Variants in PSD3 observed in about 807,000 individuals in gnomAD.
PSD3 encodes pleckstrin and Sec7 domain containing 3.
A neutral mutation model predicts 105.5 loss-of-function variants in PSD3; 49 were observed. The observed-to-expected ratio is 0.46, with a 90% CI of 0.37 to 0.59. The LOEUF is 0.59. Ranked by LOEUF, PSD3 falls within the 20% of genes least tolerant of loss-of-function variation. PSD3 has a pLI of 0.00. For synonymous variants in PSD3, 557 were observed against 457.8 expected (o/e 1.22, Z -2.77); for missense variants, 1,561 against 1,263.8 (o/e 1.24, Z -3.57).
chr8:18,592,063 T>C (rs1174223328), intron 12 of PSD3, among the ~76,000 whole-genome samples: 2 of 151,990 alleles, frequency 1.3e-5, no homozygotes, highest in Non-Finnish European at 2.9e-5. Context: ...TGGAACAAAA[T>C]GAATTTCCAG....
intron 15 of PSD3, among the ~76,000 whole-genome samples, chr8:18,539,501 G>A (rs925671278): frequency 2.2e-4 from 33 of 151,174 alleles, no homozygotes; most frequent in Admixed American, 1.3e-4. Flanking sequence ...GAAAGCTGGT[G>A]TGTAAGAAAA....
At chr8:18,612,130 T>TA (rs538752054) in intron 11 of PSD3, among the ~76,000 whole-genome samples, 245 of 151,172 alleles carry the variant, frequency 1.6e-3, no homozygotes, top group Middle Eastern at 0.014. Flanking sequence ...CAGCCTTACA[T>TA]AAAAAAAAGT....
chr8:18,599,269 G>A (rs1804259242), intron 12 of PSD3, among the ~76,000 whole-genome samples: 1 of 152,084 alleles, frequency 6.6e-6, no homozygotes, highest in Non-Finnish European at 1.5e-5. Flanking sequence ...CATATATGGG[G>A]GGAAGCTGGA....
chr8:18,997,495 C>G (rs1420931873), intron 1 of PSD3, among the ~76,000 whole-genome samples: 1 of 151,974 alleles, frequency 6.6e-6, no homozygotes, highest in African/African-American at 2.4e-5. Flanking sequence ...CCGCTTCAGT[C>G]TATTCTCATG....
chr8:18,744,579 C>A (rs760588560), intron 9 of PSD3, among the ~76,000 whole-genome samples: 7 of 152,092 alleles, frequency 4.6e-5, no homozygotes, highest in Non-Finnish European at 1.0e-4. Flanking sequence ...GTTTAACTAC[C>A]CAGCATCTTT....
chr8:18,754,266 C>T (rs1805842396), intron 9 of PSD3, among the ~76,000 whole-genome samples: 1 of 151,902 alleles, frequency 6.6e-6, no homozygotes, highest in Non-Finnish European at 1.5e-5. Flanking sequence ...TGCCTGTAAT[C>T]CCAACTACTC....
At chr8:18,877,874 T>C (rs970267575) in intron 2 of PSD3, among the ~76,000 whole-genome samples, 1 of 152,196 alleles carries the variant, frequency 6.6e-6, no homozygotes, top group African/African-American at 2.4e-5. Flanking sequence ...TAACACTGTC[T>C]TCACTATTGT....
At chr8:18,736,389 G>A (rs1194412368) in intron 9 of PSD3, among the ~76,000 whole-genome samples, 1 of 152,102 alleles carries the variant, frequency 6.6e-6, no homozygotes, top group Non-Finnish European at 1.5e-5. Flanking sequence ...AATAATGCCT[G>A]GCACACCATG....
At chr8:18,752,261 C>T (rs572585265) in intron 9 of PSD3, among the ~76,000 whole-genome samples, 26 of 150,782 alleles carry the variant, frequency 1.7e-4, no homozygotes, top group Non-Finnish European at 3.1e-4. Flanking sequence ...ATCACTGACA[C>T]TGTGTTTTAC....
At chr8:18,741,829 A>G (rs936682771) in intron 9 of PSD3, among the ~76,000 whole-genome samples, 2 of 150,008 alleles carry the variant, frequency 1.3e-5, no homozygotes, top group African/African-American at 4.9e-5. Flanking sequence ...AGGCTATGCC[A>G]TATGGTTACC....
In PSD3 at chr8:18,894,554, G is replaced by A. The variant is rs1035020740; in HGVS notation, c.131-21821C>T. Among the ~76,000 whole-genome samples, 22 of 152,272 alleles carry A rather than the reference G, an allele frequency of 1.4e-4. 1 individual carries two copies. In the South Asian group the frequency reaches 2.1e-3, roughly 14 times the overall value. ...CAGAAGCAACTATGTCAATCAGCCA[G>A]AACAGACATCTGAGGCAGGAGTCTA... is the stretch of plus-strand genomic sequence containing the variant. On this transcript the variant is annotated intron_variant, in intron 2 of 15. Transcript: ENST00000327040.
chr8:18,601,236 A>C (rs568827898), intron 11 of PSD3, among the ~76,000 whole-genome samples: 1 of 152,216 alleles, frequency 6.6e-6, no homozygotes, highest in East Asian at 1.9e-4. Flanking sequence ...AATTGTTCTA[A>C]AGCAAAAAGC....
At chr8:18,719,922 GAATACCAAC>G (rs1161361866) in intron 9 of PSD3, among the ~76,000 whole-genome samples, 3 of 152,110 alleles carry the variant, frequency 2.0e-5, no homozygotes, top group Admixed American at 2.0e-4. Flanking sequence ...AAGGATTAAA[GAATACCAAC>G]CAGGCCTCTT....
At chr8:18,657,657 G>T (rs200198955) in intron 9 of PSD3, among the ~76,000 whole-genome samples, 11,701 of 152,228 alleles carry the variant, frequency 0.077, 549 homozygotes, top group East Asian at 0.17. Context: ...GAAGTGCAGA[G>T]AGAGTTGAAA....
intron 4 of PSD3, among the ~76,000 whole-genome samples, chr8:18,833,773 G>A (rs1813872418): frequency 6.6e-6 from 1 of 151,752 alleles, no homozygotes; most frequent in Admixed American, 6.6e-5. Flanking sequence ...ACAATAAATT[G>A]AGAAAAAGAA....
chr8:18,589,651 G>C (rs750852857), intron 12 of PSD3, among the ~76,000 whole-genome samples: 8 of 152,310 alleles, frequency 5.3e-5, no homozygotes, highest in Middle Eastern at 6.8e-3. Flanking sequence ...AAAGATATGG[G>C]TTTCCAGTGG....
chr8:18,645,864 G>A (rs1050482799), intron 10 of PSD3, among the ~76,000 whole-genome samples: 3 of 152,064 alleles, frequency 2.0e-5, no homozygotes, highest in African/African-American at 4.8e-5. Flanking sequence ...CAAATATCTC[G>A]TGCAAATAAT....
chr8:19,082,544 T>C (rs1207815376), intron 1 of PSD3, among the ~76,000 whole-genome samples: 3 of 152,138 alleles, frequency 2.0e-5, no homozygotes, highest in African/African-American at 7.2e-5. Context: ...ACCTTTAACT[T>C]AGACCGAGCA....
chr8:18,798,137 G>A (rs1020108940), intron 8 of PSD3, among the ~76,000 whole-genome samples: 2 of 152,102 alleles, frequency 1.3e-5, no homozygotes, highest in East Asian at 1.9e-4. Context: ...GATTCACACT[G>A]TGAAATGCCT....
Sources: gnomAD v4.1 joint callset for allele counts (sites outside exome capture counted in the v4.1 genomes callset) on GRCh38, gnomAD v4.1.1 for gene constraint, MANE v1.5 for transcripts, NCBI Gene and HGNC (gene_info 2026-07-23, HGNC 2026-07-21) for gene names.